CNTNAP3: variants seen among roughly 807,000 people sequenced by gnomAD.
The protein encoded by CNTNAP3 is contactin associated protein family member 3.
Under a neutral mutation model 92.1 loss-of-function variants are expected in CNTNAP3, and 36 were observed. The observed-to-expected ratio is 0.39, with a 90% CI of 0.30 to 0.52. CNTNAP3 has a LOEUF of 0.52. Ranked by LOEUF, CNTNAP3 falls within the 20% of genes least tolerant of loss-of-function variation. The pLI is 0.76. For missense variants in CNTNAP3, 534 were observed against 1,069.6 expected (o/e 0.50, Z 6.98); for synonymous variants, 232 against 422.3 (o/e 0.55, Z 5.53).
rs529316154 is a variant in CNTNAP3, at chr9:39,144,315, C to T, written c.1681G>A (p.Glu561Lys). 61 of 1,572,360 alleles carry T rather than the reference C, an allele frequency of 3.9e-5. No homozygotes were observed. In the African/African-American group the frequency reaches 5.6e-4, roughly 14 times the overall value. The change falls in exon 11 of 24, where the codon GAG becomes AAG. Residue 561 changes from glutamate to lysine, a missense_variant. Coordinates refer to ENST00000297668, the MANE Select transcript of CNTNAP3 (RefSeq NM_033655.5). ...CLPSYCEHGG[E>K]CSQSWDTFSC... ...AAGGTGTCCCACGACTGGGAACACT[C>T]GCCCCCATGCTCACAGTAGCTGGGC...
chr9:39,152,609 C>G lies in CNTNAP3; in HGVS notation c.1478-2632G>C, dbSNP rs1289934693. On this transcript the variant is annotated intron_variant, in intron 9 of 23. Coordinates refer to ENST00000297668, the MANE Select transcript of CNTNAP3 (RefSeq NM_033655.5). ...ATGAATTATAGGAATATCAACAGTT[C>G]TGCTAATCTTTCTTTCACCATGTGG... 5.7e-5 allele frequency among the ~76,000 whole-genome samples: 8 copies of G among 140,282 alleles called. 1 individual carries two copies. Among genetic ancestry groups the G allele is most frequent in the African/African-American group, 2.2e-4 (8 of 36,248 alleles). The allele number at this position is 140,282 out of a possible 152,430, so 92.0% of individuals were successfully genotyped here. A position where few individuals can be genotyped will look rare whatever the true frequency, so the allele number is the denominator to read the frequency against.
At chr9:39,098,500 A>G (rs1826377039) in intron 18 of CNTNAP3, among the ~76,000 whole-genome samples, 1 of 152,164 alleles carries the variant, frequency 6.6e-6, no homozygotes, top group Non-Finnish European at 1.5e-5. Flanking sequence ...TACTTACTAT[A>G]TAATGTCTAT....
chr9:39,099,323 G>T (rs1826398532), intron 18 of CNTNAP3, among the ~76,000 whole-genome samples: 1 of 152,168 alleles, frequency 6.6e-6, no homozygotes. Flanking sequence ...CCTCTAAGAA[G>T]AGTCAAACAT....
chr9:39,085,793 A>T lies in CNTNAP3; in HGVS notation c.3385T>A (p.Leu1129Met). The change falls in exon 21 of 24, where the codon TTG (leucine) becomes ATG (methionine). Residue 1129 changes from leucine (L) to methionine (M), a missense_variant. Transcript: ENST00000297668. ...VNQSTKKQVI[L>M]SSGTEFNAVK... is the part of the protein sequence containing the mutation. ...GCGTTGAATTCTGTCCCTGAGGACA[A>T]GATGACTTGTTTCTTTGTGCTCTGG... 1.9e-6 allele frequency: 3 copies of T among 1,563,584 alleles called. No individual in the cohort carries two copies. The highest frequency in any genetic ancestry group is 2.6e-6 in the Non-Finnish European group (3 of 1,143,330).
rs1348467497 is a variant in CNTNAP3 at position 39,152,530 on chromosome 9, A to T, written c.1478-2553T>A. 1.4e-5 allele frequency among the ~76,000 whole-genome samples: 2 copies of T among 146,984 alleles called. 1 individual carries two copies. Among genetic ancestry groups the T allele is most frequent in the Non-Finnish European group, 3.0e-5 (2 of 67,036 alleles). ...CATCTCACTAATCATTAAGAAATAA[A>T]CACATTAAGTTAAGAATTAAGAGGA... On this transcript the variant is annotated intron_variant, in intron 9 of 23. Transcript: ENST00000297668.
At chr9:39,079,685 CTTTTA>C (rs1825885092) in intron 21 of CNTNAP3, among the ~76,000 whole-genome samples, 1 of 91,544 alleles carries the variant, frequency 1.1e-5, no homozygotes, top group Non-Finnish European at 2.0e-5. Context: ...TCTTTTTTTC[CTTTTA>C]TTTTGCTGGT....
intron 18 of CNTNAP3, among the ~76,000 whole-genome samples, chr9:39,091,734 GCTC>G (rs1221346139): frequency 6.6e-6 from 1 of 151,796 alleles, no homozygotes; most frequent in Admixed American, 6.5e-5. Flanking sequence ...GTTGGAAAAT[GCTC>G]CTTTCTCTTT....
chr9:39,100,781 G>C (rs2118475999), intron 17 of CNTNAP3, among the ~76,000 whole-genome samples: 1 of 151,186 alleles, frequency 6.6e-6, no homozygotes, highest in East Asian at 2.0e-4. Context: ...TGTCAAACTT[G>C]AATGCTGAAG....
intron 17 of CNTNAP3, among the ~76,000 whole-genome samples, chr9:39,101,002 A>C (rs1332143): frequency 6.6e-6 from 1 of 150,912 alleles, no homozygotes; most frequent in South Asian, 2.1e-4. Flanking sequence ...GAAGCCAGTG[A>C]TTCATCCACC....
chr9:39,083,199 T>G (rs2118405318), intron 21 of CNTNAP3, among the ~76,000 whole-genome samples: 1 of 152,126 alleles, frequency 6.6e-6, no homozygotes, highest in East Asian at 1.9e-4. Context: ...CTTCAGTGGG[T>G]TTTCTTTTCT....
At chr9:39,115,045 T>A (rs2117944925) in intron 14 of CNTNAP3, among the ~76,000 whole-genome samples, 1 of 151,760 alleles carries the variant, frequency 6.6e-6, no homozygotes, top group Admixed American at 6.6e-5. Context: ...CTTTGGCATG[T>A]TATAGTTATT....
intron 9 of CNTNAP3, chr9:39,154,862 G>A (rs898853008): frequency 5.7e-5 from 13 of 229,448 alleles, no homozygotes; most frequent in South Asian, 5.6e-4. Flanking sequence ...GCTGCGAGAT[G>A]CCTTTCCGGT....
chr9:39,081,841 G>C (rs898796283), intron 21 of CNTNAP3, among the ~76,000 whole-genome samples: 13 of 150,852 alleles, frequency 8.6e-5, no homozygotes, highest in African/African-American at 3.2e-4. Context: ...CACTTTGGGA[G>C]GCCGAGGTGG....
rs778705300 is a variant in CNTNAP3 at position 39,132,984 on chromosome 9, G to A, written c.2028C>T (p.Cys676=). ...LRSAVNLAER[C]EQRLALRCGT... ...CGCAGCGCAGAGCCAGCCGCTGCTC[G>A]CAGCGCTCCGCCAGGTTCACCGCGG... Residue 676 remains cysteine, a synonymous_variant, in exon 13 of 24, where the codon TGC becomes TGT. Coordinates refer to ENST00000297668, the MANE Select transcript of CNTNAP3 (RefSeq NM_033655.5). 5.8e-6 allele frequency: 9 copies of A among 1,540,688 alleles called. No homozygotes were observed. Among genetic ancestry groups the A allele is most frequent in the Middle Eastern group, 2.3e-4 (1 of 4,380 alleles).
Position 39,178,284 on chromosome 9 carries a change from T to C in CNTNAP3, c.615A>G (p.Arg205=). 2.0e-6 allele frequency: 1 copy of C among 494,176 alleles called. No individual in the cohort carries two copies. Among genetic ancestry groups the C allele is most frequent in the Non-Finnish European group, 3.5e-6 (1 of 288,226 alleles). 30.6% of individuals were successfully genotyped at this position (494,176 alleles called of 1,614,324 possible). Residue 205 remains arginine, a synonymous_variant, in exon 5 of 24, where the codon AGA becomes AGG. Coordinates refer to ENST00000297668, the MANE Select transcript of CNTNAP3 (RefSeq NM_033655.5). ...CTTTAAATTTCAAAGAAATAACGTC[T>C]CTTATTGGTTTTAAAGGTTTTTTAT... The part of the protein sequence containing the change: ...RLDKKPLKPI[R]DVISLKFKAM...
At chr9:39,101,053 G>A (rs893466448) in intron 17 of CNTNAP3, among the ~76,000 whole-genome samples, 2 of 148,478 alleles carry the variant, frequency 1.3e-5, no homozygotes, top group African/African-American at 4.9e-5. Context: ...CGCTAATTGT[G>A]TTTCTAGGCA....
At chr9:39,132,869 T>C (rs1043644073) in intron 13 of CNTNAP3, 63 bp downstream of exon 13, 1 of 1,484,860 alleles carries the variant, frequency 6.7e-7, no homozygotes, top group African/African-American at 1.5e-5. Context: ...CAAACGCATC[T>C]CGCAGCCCGA....
chr9:39,101,703 CG>C (rs1826459739), intron 17 of CNTNAP3, among the ~76,000 whole-genome samples: 1 of 150,296 alleles, frequency 6.7e-6, no homozygotes, highest in Admixed American at 6.6e-5. Flanking sequence ...GGGTATCCTG[CG>C]ATCTGGTTTT....
At chr9:39,134,947 G>A (rs1274491498) in intron 12 of CNTNAP3, among the ~76,000 whole-genome samples, 1 of 152,208 alleles carries the variant, frequency 6.6e-6, no homozygotes, top group Non-Finnish European at 1.5e-5. Context: ...AGGCCGGTGG[G>A]CAGTATGATA....
Sources: gnomAD v4.1 joint callset for allele counts (sites outside exome capture counted in the v4.1 genomes callset) on GRCh38, gnomAD v4.1.1 for gene constraint, MANE v1.5 for transcripts, NCBI Gene and HGNC (gene_info 2026-07-23, HGNC 2026-07-21) for gene names.